NXPE3: variants seen among roughly 807,000 people sequenced by gnomAD.
NXPE3 encodes the protein NXPE family member 3.
A neutral mutation model predicts 46.1 loss-of-function variants in NXPE3; 26 were observed. That is an observed-to-expected ratio of 0.56 (90% CI 0.41 to 0.78). NXPE3 has a LOEUF of 0.78. Ranked by LOEUF, NXPE3 falls within the 30% of genes least tolerant of loss-of-function variation. The probability of loss-of-function intolerance (pLI) is 0.00; values close to 1 mark genes in which losing one functional copy is unlikely to be tolerated. For synonymous variants in NXPE3, 272 were observed against 257.9 expected, an observed-to-expected ratio of 1.05 and a Z score of -0.52; for missense variants, 620 against 686.0, an observed-to-expected ratio of 0.90 and a Z score of 1.07.
intron 6 of NXPE3, among the ~76,000 whole-genome samples, chr3:101,815,981 C>T (rs771326): frequency 0.23 from 32,670 of 145,120 alleles, 4,015 homozygotes; most frequent in East Asian, 0.49. Context: ...GGCGACAGAG[C>T]GAGACTCTGT....
chr3:101,793,210 A>G (rs1378673703), intron 4 of NXPE3, among the ~76,000 whole-genome samples: 1 of 152,202 alleles, frequency 6.6e-6, no homozygotes, highest in Non-Finnish European at 1.5e-5. Flanking sequence ...TCGTCTGCAA[A>G]CAGAGATAGT....
At position 101,816,844 on chromosome 3, in the gene NXPE3, G is replaced by T. The variant is rs1560065289; in HGVS notation, c.972G>T (p.Gly324=). 6.2e-7 allele frequency: 1 copy of T among 1,614,060 alleles called. No homozygotes were observed. The highest frequency in any genetic ancestry group is 1.1e-5 in the South Asian group (1 of 91,076). The part of the protein sequence containing the change: ...LSQGSGTFPS[G]YYYKDQWRPR... The stretch of plus-strand genomic sequence containing the variant: ...AAGGCTCAGGAACTTTTCCTTCTGG[G>T]TATTATTATAAAGACCAGTGGAGGC... The change falls in exon 7 of 8, where the codon GGG becomes GGT. Residue 324 remains glycine (G), a synonymous_variant. Transcript: ENST00000273347.
In NXPE3 at chr3:101,827,796, C is replaced by T. The variant is rs1368687615; in HGVS notation, c.*5842C>T. ...ATTTCCAGTGTGCAGAAAAAAAATC[C>T]ACAAATCTAGGCCTCGCTGCCCCCT... On this transcript the variant is annotated 3_prime_UTR_variant, in exon 8 of 8. Coordinates refer to ENST00000273347, the MANE Select transcript of NXPE3 (RefSeq NM_145037.4). Among the ~76,000 whole-genome samples the T allele has an allele frequency of 6.6e-6, 1 of 152,164 alleles. No individual in the cohort carries two copies. Among genetic ancestry groups the T allele is most frequent in the African/African-American group, 2.4e-5 (1 of 41,444 alleles).
At chr3:101,812,522 G>T (rs1941758813) in intron 6 of NXPE3, among the ~76,000 whole-genome samples, 1 of 151,948 alleles carries the variant, frequency 6.6e-6, no homozygotes, top group African/African-American at 2.4e-5. Flanking sequence ...TCTTTAAAAG[G>T]TATTTCGACG....
At chr3:101,798,600 A>ATG (rs1454340463) in intron 4 of NXPE3, among the ~76,000 whole-genome samples, 1 of 127,338 alleles carries the variant, frequency 7.9e-6, no homozygotes, top group Non-Finnish European at 1.7e-5. Flanking sequence ...ATATATATAT[A>ATG]TATTTTTTTT....
At position 101,816,887 on chromosome 3, in the gene NXPE3, C is replaced by G; in HGVS notation, c.1015C>G (p.Arg339Gly). Reference protein sequence around the residue: ...DQWRPRKFKMRQFNDPDNITE... With the variant: ...DQWRPRKFKMGQFNDPDNITE... ...GTGGAGGCCCAGAAAGTTTAAGATG[C>G]GTCAGTTTAATGACCCTGACAACAT... Residue 339 changes from arginine (R) to glycine (G), a missense_variant, in exon 7 of 8, where the codon CGT becomes GGT. Physicochemically the swap from Arg to Gly is moderately radical, Grantham distance 125. Transcript: ENST00000273347. 1.2e-6 allele frequency: 2 copies of G among 1,613,556 alleles called. No individual in the cohort carries two copies. Among genetic ancestry groups the G allele is most frequent in the African/African-American group, 1.3e-5 (1 of 75,016 alleles).
chr3:101,801,117 A>T, intron 4 of NXPE3, 118 bp from the exon 5 acceptor site: 1 of 1,104,056 alleles, frequency 9.1e-7, no homozygotes. Context: ...CACTGTGAGA[A>T]TCTGATTGAG....
At chr3:101,790,873 G>T (rs1196908367) in intron 4 of NXPE3, among the ~76,000 whole-genome samples, 1 of 152,184 alleles carries the variant, frequency 6.6e-6, no homozygotes, top group Admixed American at 6.5e-5. Flanking sequence ...TGGGATTACA[G>T]GTGTGAGTCA....
At chr3:101,808,406 C>A (rs1332407993) in intron 6 of NXPE3, among the ~76,000 whole-genome samples, 40 of 152,050 alleles carry the variant, frequency 2.6e-4, no homozygotes, top group Non-Finnish European at 1.5e-5. Flanking sequence ...ATATTTAATA[C>A]CTGTGGATCA....
intron 4 of NXPE3, among the ~76,000 whole-genome samples, chr3:101,800,080 A>G (rs191613758): frequency 2.6e-5 from 4 of 151,892 alleles, no homozygotes; most frequent in African/African-American, 4.8e-5. Flanking sequence ...TATCATGTTT[A>G]TTATTTTTCT....
chr3:101,801,368 T>C lies in NXPE3; in HGVS notation c.227T>C (p.Met76Thr), dbSNP rs750507229. 2 of 1,614,226 alleles carry C rather than the reference T, an allele frequency of 1.2e-6. No homozygotes were observed. The highest frequency in any genetic ancestry group is 1.7e-6 in the Non-Finnish European group (2 of 1,180,036). The change falls in exon 5 of 8, where the codon ATG (methionine) becomes ACG (threonine). Residue 76 changes from methionine to threonine, a missense_variant. Physicochemically the swap from Met to Thr is moderately conservative, Grantham distance 81 (BLOSUM62 -1). Coordinates refer to ENST00000273347, the MANE Select transcript of NXPE3 (RefSeq NM_145037.4). ...CAGACCCTGTCCAGCCAGGAGCGCA[T>C]GGAGGAGGACTCCTTGCTGGCTGCC... ...DQQTLSSQERMEEDSLLAALH... is the reference protein window; with the variant it reads ...DQQTLSSQERTEEDSLLAALH...
intron 7 of NXPE3, among the ~76,000 whole-genome samples, chr3:101,820,202 T>C (rs1942184909): frequency 6.6e-6 from 1 of 152,208 alleles, no homozygotes; most frequent in Non-Finnish European, 1.5e-5. Flanking sequence ...TTGATTTTTA[T>C]AATTTAAATT....
rs1942562495 is a variant in NXPE3 at position 101,827,786 on chromosome 3, A to G, written c.*5832A>G. Among the ~76,000 whole-genome samples, 1 of 151,996 alleles carries G rather than the reference A, an allele frequency of 6.6e-6. No homozygotes were observed. Among genetic ancestry groups the G allele is most frequent in the Non-Finnish European group, 1.5e-5 (1 of 67,994 alleles). ...TGGTCTGGGAATTTCCAGTGTGCAG[A>G]AAAAAAATCCACAAATCTAGGCCTC... On this transcript the variant is annotated 3_prime_UTR_variant, in exon 8 of 8. Coordinates refer to ENST00000273347, the MANE Select transcript of NXPE3 (RefSeq NM_145037.4).
chr3:101,786,231 TC>T (rs1433250166), intron 4 of NXPE3, among the ~76,000 whole-genome samples: 2 of 152,178 alleles, frequency 1.3e-5, no homozygotes, highest in Non-Finnish European at 2.9e-5. Context: ...TTCTTCCCTG[TC>T]CCCAGCCCCA....
chr3:101,811,698 T>C (rs1414383125), intron 6 of NXPE3, among the ~76,000 whole-genome samples: 3 of 152,074 alleles, frequency 2.0e-5, no homozygotes, highest in African/African-American at 7.2e-5. Flanking sequence ...CAATGATGTC[T>C]TGATGCTTTG....
intron 4 of NXPE3, among the ~76,000 whole-genome samples, chr3:101,786,245 A>G (rs1016685884): frequency 2.6e-5 from 4 of 152,224 alleles, no homozygotes; most frequent in Admixed American, 1.3e-4. Context: ...CAGCCCCAAC[A>G]TGAACTCATA....
intron 4 of NXPE3, among the ~76,000 whole-genome samples, chr3:101,793,383 G>A (rs1940626071): frequency 1.3e-5 from 2 of 152,052 alleles, no homozygotes; most frequent in South Asian, 4.1e-4. Context: ...CATGTTGTCT[G>A]TGGTGTTTTT....
At chr3:101,813,537 G>C (rs944589999) in intron 6 of NXPE3, among the ~76,000 whole-genome samples, 3 of 152,124 alleles carry the variant, frequency 2.0e-5, no homozygotes, top group Admixed American at 6.5e-5. Context: ...CAAACCATGG[G>C]CTTTAAAGAG....
In NXPE3 at chr3:101,801,819, C is replaced by A; in HGVS notation, c.678C>A (p.Asn226Lys). Residue 226 changes from asparagine (N) to lysine (K), a missense_variant, in exon 5 of 8, where the codon AAC becomes AAA. Physicochemically the swap from Asn to Lys is moderately conservative, Grantham distance 94 (BLOSUM62 0). This residue lies in a region of NXPE3 where 511 missense variants were observed against 528.6 expected (regional missense o/e 0.97). Coordinates refer to ENST00000273347, the MANE Select transcript of NXPE3 (RefSeq NM_145037.4). ...GAATTTCTGAAACTACTGAGTGCAA[C>A]GTGTGTCTTCCTGGGAATCTGCCCC... ...SGRISETTEC[N>K]VCLPGNLPLC... The A allele has an allele frequency of 6.2e-7, 1 of 1,614,176 alleles. No homozygotes were observed. The highest frequency in any genetic ancestry group is 8.5e-7 in the Non-Finnish European group (1 of 1,180,036).
Sources: allele counts gnomAD v4.1 joint callset (sites outside exome capture counted in the v4.1 genomes callset), GRCh38; gene constraint gnomAD v4.1.1; regional missense constraint gnomAD v4.1.1; transcripts MANE v1.5; gene names NCBI Gene and HGNC (gene_info 2026-07-23, HGNC 2026-07-21).